SEC14L5: variants seen among roughly 807,000 people sequenced by gnomAD.
SEC14L5 encodes the protein SEC14 like lipid binding 5.
Under a neutral mutation model 84.6 loss-of-function variants are expected in SEC14L5, and 96 were observed. That is an observed-to-expected ratio of 1.13 (90% confidence interval 0.96 to 1.34). SEC14L5 has a LOEUF of 1.34. Ranked by LOEUF, SEC14L5 falls within the 40% of genes most tolerant of loss-of-function variation. The pLI is 0.00. For synonymous variants in SEC14L5, 546 were observed against 383.4 expected (o/e 1.42, Z -4.95); for missense variants, 1,224 against 942.5 (o/e 1.30, Z -3.91).
At chr16:5,014,586 C>A (rs772535385) in intron 15 of SEC14L5, among the ~76,000 whole-genome samples, 30 of 152,212 alleles carry the variant, frequency 2.0e-4, no homozygotes, top group Non-Finnish European at 3.5e-4. Context: ...GCCGGGGACT[C>A]CCTGGGCTGT....
chr16:4,977,026 G>C (rs531334454), intron 2 of SEC14L5, among the ~76,000 whole-genome samples: 1 of 152,206 alleles, frequency 6.6e-6, no homozygotes, highest in Non-Finnish European at 1.5e-5. Context: ...AGGCACAGGG[G>C]CTGGGCCCTG....
chr16:4,979,864 C>T (rs1169036630), intron 2 of SEC14L5, among the ~76,000 whole-genome samples: 1 of 152,214 alleles, frequency 6.6e-6, no homozygotes, highest in Non-Finnish European at 1.5e-5. Flanking sequence ...ACCTCCTTCT[C>T]ATGCCCCACC....
intron 10 of SEC14L5, among the ~76,000 whole-genome samples, chr16:5,002,381 C>T (rs1248206883): frequency 1.3e-5 from 2 of 151,590 alleles, no homozygotes; most frequent in Admixed American, 6.6e-5. Context: ...ACTCCAACCT[C>T]CACCTCCTGG....
intron 11 of SEC14L5, among the ~76,000 whole-genome samples, chr16:5,005,252 T>G (rs1177358393): frequency 6.6e-6 from 1 of 151,830 alleles, no homozygotes; most frequent in East Asian, 2.0e-4. Flanking sequence ...GAGGTGCAGC[T>G]TGCAGTGAGC....
intron 8 of SEC14L5, 144 bp from the exon 9 acceptor site, chr16:5,000,511 G>A: frequency 1.6e-6 from 1 of 632,512 alleles, no homozygotes; most frequent in Non-Finnish European, 2.8e-6. Flanking sequence ...GAAGCAGGCA[G>A]GGTGTTAGTA....
At chr16:4,967,721 C>T (rs926346127) in intron 2 of SEC14L5, among the ~76,000 whole-genome samples, 16 of 150,718 alleles carry the variant, frequency 1.1e-4, no homozygotes, top group Admixed American at 2.0e-4. Flanking sequence ...TACAGGTGCC[C>T]GCCACCATGC....
intron 8 of SEC14L5, among the ~76,000 whole-genome samples, chr16:4,999,385 G>A (rs552736660): frequency 6.6e-6 from 1 of 152,270 alleles, no homozygotes; most frequent in East Asian, 1.9e-4. Flanking sequence ...CTGGAGGATC[G>A]CTTAAGCCCA....
chr16:5,011,776 T>A (rs1291281099), intron 15 of SEC14L5, among the ~76,000 whole-genome samples: 1 of 152,086 alleles, frequency 6.6e-6, no homozygotes, highest in Non-Finnish European at 1.5e-5. Flanking sequence ...ATCCCTTAAA[T>A]GGGAACCACT....
intron 2 of SEC14L5, among the ~76,000 whole-genome samples, chr16:4,960,912 C>G (rs8049697): frequency 6.6e-6 from 1 of 151,934 alleles, no homozygotes; most frequent in East Asian, 1.9e-4. Context: ...GATCCAGGGA[C>G]GTGAATTCAG....
At chr16:4,959,724 TG>T (rs1307258681) in intron 2 of SEC14L5, among the ~76,000 whole-genome samples, 1 of 152,174 alleles carries the variant, frequency 6.6e-6, no homozygotes, top group Non-Finnish European at 1.5e-5. Context: ...AATGGAATGG[TG>T]GTGATAATGA....
In SEC14L5 at chr16:5,003,396, C is replaced by G. The variant is rs771784085; in HGVS notation, c.1131-6C>G. ...CCAGGTGGAGCTGGGGCTATTTCTG[C>G]CACAGCTCCTGGACCTGCCTGCTAG... On this transcript the variant is annotated splice_region_variant and splice_polypyrimidine_tract_variant and intron_variant, in intron 10 of 15. Coordinates refer to ENST00000251170, the MANE Select transcript of SEC14L5 (RefSeq NM_014692.2). 1 of 1,610,790 alleles carries G rather than the reference C, an allele frequency of 6.2e-7. No individual in the cohort carries two copies. Among genetic ancestry groups the G allele is most frequent in the East Asian group, 2.2e-5 (1 of 44,864 alleles).
chr16:4,992,204 A>G (rs1382268938), intron 6 of SEC14L5, among the ~76,000 whole-genome samples, 174 bp downstream of exon 6: 2 of 152,022 alleles, frequency 1.3e-5, no homozygotes, highest in African/African-American at 4.8e-5. Flanking sequence ...CTCTCTCTCC[A>G]TCCTGGTCCA....
chr16:5,010,365 GA>G (rs200952219), intron 14 of SEC14L5, among the ~76,000 whole-genome samples: 6 of 146,154 alleles, frequency 4.1e-5, no homozygotes, highest in South Asian at 2.2e-4. Context: ...CTCCGTCTCA[GA>G]AAAAAAAAAC....
At chr16:5,010,534 A>G (rs1442718630) in intron 14 of SEC14L5, among the ~76,000 whole-genome samples, 3 of 152,146 alleles carry the variant, frequency 2.0e-5, no homozygotes, top group African/African-American at 7.2e-5. Flanking sequence ...CTCCACGAGC[A>G]CTGGCAGTTG....
intron 2 of SEC14L5, among the ~76,000 whole-genome samples, chr16:4,978,856 C>T (rs570086682): frequency 3.3e-5 from 5 of 152,306 alleles, no homozygotes; most frequent in East Asian, 3.9e-4. Context: ...CCGCCTTGGC[C>T]TCCCAAAGTG....
intron 2 of SEC14L5, among the ~76,000 whole-genome samples, chr16:4,972,814 C>A (rs981331702): frequency 6.6e-6 from 1 of 152,182 alleles, no homozygotes; most frequent in African/African-American, 2.4e-5. Flanking sequence ...GTACAAATAT[C>A]TGTTTTAAGT....
At chr16:5,001,404 AC>A (rs1158987563) in intron 10 of SEC14L5, among the ~76,000 whole-genome samples, 1 of 151,704 alleles carries the variant, frequency 6.6e-6, no homozygotes. Flanking sequence ...GACTACAGGC[AC>A]CCGCCACCAC....
intron 6 of SEC14L5, among the ~76,000 whole-genome samples, chr16:4,993,800 T>A (rs1179658422): frequency 6.6e-6 from 1 of 152,190 alleles, no homozygotes; most frequent in Non-Finnish European, 1.5e-5. Context: ...TCCCACTGAA[T>A]GTGTAATTGC....
At chr16:4,968,224 G>T (rs1016671392) in intron 2 of SEC14L5, among the ~76,000 whole-genome samples, 2 of 151,194 alleles carry the variant, frequency 1.3e-5, no homozygotes, top group Admixed American at 1.3e-4. Flanking sequence ...TTGTTGCCCA[G>T]GCTGGAGTGC....
Sources: gnomAD v4.1 joint callset for allele counts (sites outside exome capture counted in the v4.1 genomes callset) on GRCh38, gnomAD v4.1.1 for gene constraint, MANE v1.5 for transcripts, NCBI Gene and HGNC (gene_info 2026-07-23, HGNC 2026-07-21) for gene names.